SUPT3H: variants seen among roughly 807,000 people sequenced by gnomAD.
The protein encoded by SUPT3H is transcription initiation protein SPT3 homolog.
Under a neutral mutation model 44.3 loss-of-function variants are expected in SUPT3H, and 44 were observed. The ratio of observed to expected loss-of-function variants is 0.99; its 90% CI spans 0.78 to 1.28. The LOEUF is 1.28. Ranked by LOEUF, SUPT3H falls within the 50% of genes most tolerant of loss-of-function variation. SUPT3H has a pLI of 0.00. For synonymous variants in SUPT3H, 124 were observed against 125.6 expected (o/e 0.99, Z 0.09); for missense variants, 380 against 387.1 (o/e 0.98, Z 0.15).
chr6:44,820,803 T>TG (rs750147904), intron 11 of SUPT3H, among the ~76,000 whole-genome samples: 1 of 152,144 alleles, frequency 6.6e-6, no homozygotes, highest in African/African-American at 2.4e-5. Context: ...GAGCAGGGGT[T>TG]GGGGTCTCAA....
intron 7 of SUPT3H, among the ~76,000 whole-genome samples, chr6:44,956,564 A>G (rs908892232): frequency 1.3e-5 from 2 of 151,520 alleles, no homozygotes; most frequent in Admixed American, 1.3e-4. Context: ...AGTTAAATAA[A>G]CTGACATCTG....
chr6:44,975,169 T>TCAAACAAA (rs112143344), intron 6 of SUPT3H, among the ~76,000 whole-genome samples: 68,344 of 150,492 alleles, frequency 0.45, 16,040 homozygotes, highest in Admixed American at 0.55. Context: ...AGACTCCATC[T>TCAAACAAA]CAAACAAACA....
At chr6:44,972,987 T>A (rs1310044134) in intron 6 of SUPT3H, among the ~76,000 whole-genome samples, 2 of 152,280 alleles carry the variant, frequency 1.3e-5, no homozygotes, top group East Asian at 3.9e-4. Context: ...TTTTCCCCTG[T>A]TTTGGCAATT....
chr6:45,103,566 C>A (rs1375290869), intron 3 of SUPT3H, among the ~76,000 whole-genome samples: 1 of 151,536 alleles, frequency 6.6e-6, no homozygotes, highest in Admixed American at 6.6e-5. Flanking sequence ...TTAGACATGG[C>A]AGAAAAAATA....
At position 45,035,517 on chromosome 6, in the gene SUPT3H, G is replaced by A. The variant is rs117980719; in HGVS notation, c.187-14885C>T. ...AAGGATGGAGGTGGAGCTTAGTTGC[G>A]AATTGTTACCAACTCAACTGGATGC... On this transcript the variant is annotated intron_variant, in intron 3 of 10. Coordinates refer to ENST00000371459, the MANE Select transcript of SUPT3H (RefSeq NM_003599.4). Among the ~76,000 whole-genome samples, 48 of 152,176 alleles carry A rather than the reference G, an allele frequency of 3.2e-4. No individual in the cohort carries two copies. In the East Asian group the frequency reaches 7.9e-3, roughly 25 times the overall value.
At chr6:45,128,526 A>G (rs1562513830) in intron 2 of SUPT3H, among the ~76,000 whole-genome samples, 1 of 67,508 alleles carries the variant, frequency 1.5e-5, no homozygotes, top group African/African-American at 6.4e-5. Flanking sequence ...AAAAAAAAAA[A>G]AAAAAAAATA....
intron 2 of SUPT3H, among the ~76,000 whole-genome samples, chr6:45,256,852 G>C (rs1773497006): frequency 6.6e-6 from 1 of 152,054 alleles, no homozygotes; most frequent in South Asian, 2.1e-4. Flanking sequence ...TGAACATTTG[G>C]GATGTTTCAA....
chr6:45,257,841 G>A (rs929777421), intron 2 of SUPT3H, among the ~76,000 whole-genome samples: 2 of 152,034 alleles, frequency 1.3e-5, no homozygotes, highest in African/African-American at 4.8e-5. Flanking sequence ...AGGCGATTGT[G>A]GCTGCAGCAT....
intron 9 of SUPT3H, among the ~76,000 whole-genome samples, chr6:44,948,097 A>G (rs1773642032): frequency 1.3e-5 from 2 of 152,200 alleles, no homozygotes; most frequent in Admixed American, 1.3e-4. Context: ...TTTGTCAAAG[A>G]TCAGATGGTT....
At chr6:45,204,491 A>T (rs1240954368) in intron 2 of SUPT3H, among the ~76,000 whole-genome samples, 2 of 152,142 alleles carry the variant, frequency 1.3e-5, no homozygotes, top group African/African-American at 4.8e-5. Context: ...TTCTGACTAT[A>T]CTCATCAGAG....
At chr6:44,898,907 C>T (rs549049946) in intron 10 of SUPT3H, 1 of 152,364 alleles carries the variant, frequency 6.6e-6, no homozygotes, top group African/African-American at 2.4e-5. Flanking sequence ...TCAGAGGCAA[C>T]TGACAGTTTT....
rs11319902 is a variant in SUPT3H, at chr6:45,150,720, G to GTTTTT, written c.102-44719_102-44715dup. Among the ~76,000 whole-genome samples, 32 of 99,280 alleles carry GTTTTT rather than the reference G, an allele frequency of 3.2e-4. 2 individuals are homozygous for GTTTTT. The highest frequency in any genetic ancestry group is 9.0e-4 in the African/African-American group (22 of 24,544). 65.1% of individuals were successfully genotyped at this position (99,280 alleles called of 152,430 possible). ...CTTCTACTTATAATCTTTATTCTGC[G>GTTTTT]TTTTTTTTTTTTTTTTTTTTAAGAT... is the stretch of plus-strand genomic sequence containing the variant. On this transcript the variant is annotated intron_variant, in intron 2 of 10. Transcript: ENST00000371459.
chr6:44,934,868 T>C (rs908077069), intron 9 of SUPT3H, among the ~76,000 whole-genome samples: 5 of 152,164 alleles, frequency 3.3e-5, no homozygotes, highest in African/African-American at 1.2e-4. Flanking sequence ...TGGACTAAGA[T>C]AGAAGCTAAG....
At position 45,020,615 on chromosome 6, in the gene SUPT3H, T is replaced by C. The variant is rs778067310; in HGVS notation, c.204A>G (p.Glu68=). Residue 68 remains glutamate, a synonymous_variant, in exon 4 of 11, where the codon GAA becomes GAG. Transcript: ENST00000371459. The part of the protein sequence containing the change: ...QLINLLQQAA[E]VSQLRGARVI... ...CCCTTGCTCCCCGCAGCTGAGAAAC[T>C]TCAGCAGCTTGCTGTAACTAACAAT... is the stretch of plus-strand genomic sequence containing the variant. 1.2e-6 allele frequency: 2 copies of C among 1,610,390 alleles called. No homozygotes were observed. Among genetic ancestry groups the C allele is most frequent in the African/African-American group, 2.7e-5 (2 of 74,760 alleles).
chr6:45,026,577 T>C (rs1369428478), intron 3 of SUPT3H, among the ~76,000 whole-genome samples: 2 of 152,164 alleles, frequency 1.3e-5, no homozygotes, highest in African/African-American at 4.8e-5. Flanking sequence ...CAAATAATAC[T>C]ATAAATTTTA....
intron 3 of SUPT3H, among the ~76,000 whole-genome samples, chr6:45,078,659 G>A (rs548183658): frequency 2.0e-5 from 3 of 152,120 alleles, no homozygotes; most frequent in South Asian, 2.1e-4. Context: ...CTTTCATTTC[G>A]AAAGGAGAGC....
intron 2 of SUPT3H, among the ~76,000 whole-genome samples, chr6:45,238,321 T>C (rs995254757): frequency 1.3e-5 from 2 of 152,208 alleles, no homozygotes; most frequent in South Asian, 2.1e-4. Flanking sequence ...TAACTGACAG[T>C]ACAATTGTGC....
chr6:45,104,883 C>A (rs1799065651), intron 3 of SUPT3H, among the ~76,000 whole-genome samples: 1 of 151,672 alleles, frequency 6.6e-6, no homozygotes, highest in Non-Finnish European at 1.5e-5. Flanking sequence ...AATAAACATA[C>A]CAATGAAAAT....
At chr6:45,286,077 C>T (rs1008736584) in intron 2 of SUPT3H, among the ~76,000 whole-genome samples, 1 of 149,048 alleles carries the variant, frequency 6.7e-6, no homozygotes. Flanking sequence ...CTTCCTTACA[C>T]CTTATACAAA....
Sources: gnomAD v4.1 joint callset for allele counts (sites outside exome capture counted in the v4.1 genomes callset) on GRCh38, gnomAD v4.1.1 for gene constraint, MANE v1.5 for transcripts, NCBI Gene and HGNC (gene_info 2026-07-23, HGNC 2026-07-21) for gene names.